The following ATXN2 variants were observed in gnomAD, a reference collection of about 807,000 sequenced individuals.
ATXN2 encodes the protein ataxin-2.
In ATXN2, 37 loss-of-function variants were observed where a neutral mutation model predicts 138.6. The observed-to-expected ratio is 0.27, with a 90% CI of 0.21 to 0.35. The LOEUF (loss-of-function observed/expected upper bound fraction) is 0.35, where lower values mean the gene tolerates loss of function less well. Ranked by LOEUF, ATXN2 falls within the 10% of genes least tolerant of loss-of-function variation. The pLI, the probability that ATXN2 is intolerant of heterozygous loss-of-function variation, is 1.00. For synonymous variants in ATXN2, 549 were observed against 543.7 expected (o/e 1.01, Z -0.13); for missense variants, 1,216 against 1,480.3 (o/e 0.82, Z 2.93).
chr12:111,486,967 CAT>C, intron 15 of ATXN2, 143 bp from the exon 16 acceptor site: 1 of 666,390 alleles, frequency 1.5e-6, no homozygotes. Context: ...TTTATTGAAA[CAT>C]ATACACTTAT....
At chr12:111,472,548 C>T (rs2135676954) in intron 18 of ATXN2, among the ~76,000 whole-genome samples, 1 of 152,128 alleles carries the variant, frequency 6.6e-6, no homozygotes, top group South Asian at 2.1e-4. Flanking sequence ...TGTACAAAAC[C>T]TTAAAGATAA....
intron 14 of ATXN2, among the ~76,000 whole-genome samples, chr12:111,496,754 T>A (rs890613991): frequency 2.0e-5 from 3 of 151,980 alleles, no homozygotes; most frequent in African/African-American, 7.2e-5. Context: ...ATAAGAGGAA[T>A]GTTTACAGCA....
intron 21 of ATXN2, among the ~76,000 whole-genome samples, chr12:111,459,957 T>C (rs1373765075): frequency 3.3e-5 from 5 of 152,174 alleles, no homozygotes; most frequent in Admixed American, 3.3e-4. Context: ...CCTCAAGTGA[T>C]CCGTCCATCT....
chr12:111,598,909 G>A lies in ATXN2; in HGVS notation c.126C>T (p.Ser42=). 1 of 1,508,922 alleles carries A rather than the reference G, an allele frequency of 6.6e-7. No individual in the cohort carries two copies. The highest frequency in any genetic ancestry group is 2.7e-5 in the East Asian group (1 of 37,636). The allele number at this position is 1,508,922 out of a possible 1,614,324, so 93.5% of individuals were successfully genotyped here. Reference sequence around the variant, plus strand: ...CGGCGGCGGGCGACGCTAGAAGGCCGCTGCCGCCGGGCTTGCGGACATTGG... The same window carrying A: ...CGGCGGCGGGCGACGCTAGAAGGCCACTGCCGCCGGGCTTGCGGACATTGG... ...AAANVRKPGG[S]GLLASPAAAP... Residue 42 remains serine (S), a synonymous_variant, in exon 1 of 25, where the codon AGC becomes AGT. Transcript: ENST00000673436. This position sits in a 1 kb window ranked among gnomAD's most constrained non-coding sequence, Gnocchi z 4.5.
chr12:111,493,190 G>A (rs112058157), intron 14 of ATXN2, among the ~76,000 whole-genome samples: 18 of 152,148 alleles, frequency 1.2e-4, no homozygotes, highest in African/African-American at 3.6e-4. Flanking sequence ...ATGCCAAGGC[G>A]GGCGGATCAC....
At chr12:111,569,504 C>T (rs1359824990) in intron 1 of ATXN2, among the ~76,000 whole-genome samples, 1 of 152,100 alleles carries the variant, frequency 6.6e-6, no homozygotes, top group African/African-American at 2.4e-5. Flanking sequence ...CAAGGTGAGT[C>T]CAGGAATTTG....
intron 14 of ATXN2, among the ~76,000 whole-genome samples, chr12:111,501,616 TAA>T (rs1203275654): frequency 1.3e-5 from 2 of 152,176 alleles, no homozygotes; most frequent in Non-Finnish European, 2.9e-5. Context: ...CCAATATAGC[TAA>T]AGAGTCAAGT....
At chr12:111,477,414 A>C (rs1211804620) in intron 18 of ATXN2, among the ~76,000 whole-genome samples, 2 of 152,196 alleles carry the variant, frequency 1.3e-5, no homozygotes, top group East Asian at 3.9e-4. Flanking sequence ...AGAGAAACCG[A>C]GTAAATATTT....
intron 14 of ATXN2, among the ~76,000 whole-genome samples, chr12:111,496,489 T>A (rs1025930827): frequency 7.2e-5 from 11 of 151,778 alleles, no homozygotes; most frequent in African/African-American, 2.7e-4. Flanking sequence ...TAAGCCGAGA[T>A]CGCGCCACTA....
intron 1 of ATXN2, among the ~76,000 whole-genome samples, chr12:111,589,261 G>A (rs536380455): frequency 6.6e-6 from 1 of 151,894 alleles, no homozygotes; most frequent in Non-Finnish European, 1.5e-5. Context: ...GTTGCAGTAA[G>A]CCGAGATCAC....
At chr12:111,474,836 C>T (rs987840251) in intron 18 of ATXN2, among the ~76,000 whole-genome samples, 4 of 152,146 alleles carry the variant, frequency 2.6e-5, no homozygotes, top group Admixed American at 2.6e-4. Flanking sequence ...GTAATCCCAG[C>T]ACTTTGGGAG....
intron 5 of ATXN2, among the ~76,000 whole-genome samples, chr12:111,541,974 G>A (rs966403236): frequency 6.7e-6 from 1 of 148,796 alleles, no homozygotes; most frequent in African/African-American, 2.4e-5. Context: ...CACCATGTTG[G>A]CCAGGCTGGT....
At chr12:111,559,345 C>T (rs1340302316) in intron 1 of ATXN2, among the ~76,000 whole-genome samples, 3 of 151,668 alleles carry the variant, frequency 2.0e-5, no homozygotes, top group African/African-American at 7.3e-5. Flanking sequence ...GTGATCCACC[C>T]ACCTCAGCCT....
At chr12:111,507,096 A>G (rs1174638736) in intron 14 of ATXN2, among the ~76,000 whole-genome samples, 1 of 151,980 alleles carries the variant, frequency 6.6e-6, no homozygotes, top group Non-Finnish European at 1.5e-5. Flanking sequence ...CCCGTCTGGG[A>G]AGTGAGGAGC....
At chr12:111,494,000 G>A (rs1162201128) in intron 14 of ATXN2, among the ~76,000 whole-genome samples, 3 of 151,916 alleles carry the variant, frequency 2.0e-5, no homozygotes, top group Middle Eastern at 3.2e-3. Flanking sequence ...GCGCACTCTC[G>A]GCTCACTGCA....
chr12:111,578,968 G>A (rs1366880888), intron 1 of ATXN2, among the ~76,000 whole-genome samples: 1 of 152,144 alleles, frequency 6.6e-6, no homozygotes, highest in Non-Finnish European at 1.5e-5. Flanking sequence ...AGCCCAGGAG[G>A]TCAATGTTGC....
At chr12:111,577,487 G>C (rs535266561) in intron 1 of ATXN2, among the ~76,000 whole-genome samples, 1 of 151,334 alleles carries the variant, frequency 6.6e-6, no homozygotes, top group East Asian at 2.0e-4. Flanking sequence ...GGATGGTCTC[G>C]ATCTCCTGAC....
At chr12:111,574,077 G>T (rs1171757973) in intron 1 of ATXN2, among the ~76,000 whole-genome samples, 1 of 151,454 alleles carries the variant, frequency 6.6e-6, no homozygotes. Flanking sequence ...CAGCACTTTG[G>T]GAGGCTGAGG....
intron 19 of ATXN2, 85 bp from the exon 20 acceptor site, chr12:111,470,325 GT>G: frequency 6.7e-7 from 1 of 1,488,800 alleles, no homozygotes; most frequent in Non-Finnish European, 9.1e-7. Context: ...TAACTCCATG[GT>G]TTCCAGATTT....
Sources: allele counts gnomAD v4.1 joint callset (sites outside exome capture counted in the v4.1 genomes callset), GRCh38; gene constraint gnomAD v4.1.1; non-coding constraint Gnocchi (gnomAD v3.1); transcripts MANE v1.5; gene names NCBI Gene and HGNC (gene_info 2026-07-23, HGNC 2026-07-21).